Variants in COL4A2 observed in about 807,000 individuals in gnomAD.
COL4A2 encodes the protein collagen alpha-2(IV) chain.
Under a neutral mutation model 200.2 loss-of-function variants are expected in COL4A2, and 99 were observed. That is an observed-to-expected ratio of 0.49 (90% confidence interval 0.42 to 0.58). The LOEUF is 0.58. Ranked by LOEUF, COL4A2 falls within the 20% of genes least tolerant of loss-of-function variation. The pLI, the probability that COL4A2 is intolerant of heterozygous loss-of-function variation, is 0.00. For synonymous variants in COL4A2, 897 were observed against 900.6 expected, an observed-to-expected ratio of 1.00 and a Z score of 0.07; for missense variants, 1,950 against 2,314.1, an observed-to-expected ratio of 0.84 and a Z score of 3.23.
At chr13:110,486,624 C>T (rs1883126265) in intron 34 of COL4A2, among the ~76,000 whole-genome samples, 1 of 152,188 alleles carries the variant, frequency 6.6e-6, no homozygotes, top group African/African-American at 2.4e-5. Context: ...AAAAGACCAC[C>T]AAACAGGCTT....
intron 3 of COL4A2, among the ~76,000 whole-genome samples, chr13:110,343,182 A>G (rs1016929735): frequency 2.6e-5 from 4 of 152,134 alleles, no homozygotes; most frequent in Non-Finnish European, 4.4e-5. Context: ...TTAAAATCCC[A>G]ACAACCTAGT....
chr13:110,441,864 G>C (rs191189021), intron 16 of COL4A2, among the ~76,000 whole-genome samples: 5 of 151,584 alleles, frequency 3.3e-5, no homozygotes, highest in Non-Finnish European at 7.4e-5. Context: ...GTGGATCATA[G>C]AGGTCAGGAG....
chr13:110,367,516 A>T (rs1451043695), intron 4 of COL4A2, among the ~76,000 whole-genome samples: 1 of 152,252 alleles, frequency 6.6e-6, no homozygotes, highest in Non-Finnish European at 1.5e-5. Flanking sequence ...AATTACTTTT[A>T]AAAAAATGCA....
chr13:110,459,814 CAAG>C (rs1881951020), intron 22 of COL4A2: 1 of 152,184 alleles, frequency 6.6e-6, no homozygotes, highest in Non-Finnish European at 1.5e-5. Context: ...TGAAGTTTAG[CAAG>C]AACTGATTCA....
intron 3 of COL4A2, among the ~76,000 whole-genome samples, chr13:110,325,715 CT>C (rs2139356214): frequency 6.6e-6 from 1 of 152,268 alleles, no homozygotes; most frequent in Non-Finnish European, 1.5e-5. Context: ...GGAAGCTACA[CT>C]TTGCTTTGTG....
chr13:110,441,105 T>C (rs942886713), intron 16 of COL4A2, among the ~76,000 whole-genome samples: 1 of 152,232 alleles, frequency 6.6e-6, no homozygotes, highest in African/African-American at 2.4e-5. Context: ...TGGGCTAGTA[T>C]GTCCATCACT....
chr13:110,459,520 A>T (rs1881932899), intron 22 of COL4A2: 2 of 140,384 alleles, frequency 1.4e-5, no homozygotes, highest in South Asian at 5.0e-4. Flanking sequence ...TGAAATGTCC[A>T]CACAGGCAAC....
intron 4 of COL4A2, among the ~76,000 whole-genome samples, chr13:110,395,489 C>G (rs1365828748): frequency 6.6e-6 from 1 of 152,214 alleles, no homozygotes; most frequent in Non-Finnish European, 1.5e-5. Flanking sequence ...CTCCCTGCCC[C>G]ACTCCTCATG....
chr13:110,368,949 C>T (rs1402751205), intron 4 of COL4A2, among the ~76,000 whole-genome samples: 1 of 151,976 alleles, frequency 6.6e-6, no homozygotes, highest in Non-Finnish European at 1.5e-5. Flanking sequence ...TGGCTCGCAC[C>T]TGTAATCCCA....
At chr13:110,355,961 CA>C (rs1877245531) in intron 3 of COL4A2, among the ~76,000 whole-genome samples, 1 of 152,046 alleles carries the variant, frequency 6.6e-6, no homozygotes, top group Admixed American at 6.5e-5. Context: ...GCTTACCTGT[CA>C]GGGGAGAGGA....
chr13:110,504,817 A>G (rs1187451034), intron 45 of COL4A2, among the ~76,000 whole-genome samples: 1 of 152,074 alleles, frequency 6.6e-6, no homozygotes, highest in East Asian at 2.0e-4. Context: ...CATGTTGGCC[A>G]GGCTGGTCTC....
chr13:110,479,262 C>T (rs1353973395), intron 30 of COL4A2, among the ~76,000 whole-genome samples: 1 of 152,204 alleles, frequency 6.6e-6, no homozygotes, highest in African/African-American at 2.4e-5. Flanking sequence ...GGGAGAGAGA[C>T]ACACACATTA....
chr13:110,425,618 T>C (rs941260563), intron 6 of COL4A2, among the ~76,000 whole-genome samples: 2 of 152,196 alleles, frequency 1.3e-5, no homozygotes, highest in African/African-American at 4.8e-5. Context: ...CAGGGATCAA[T>C]GTGTTTATCG....
intron 4 of COL4A2, among the ~76,000 whole-genome samples, chr13:110,377,526 G>A (rs554410715): frequency 9.5e-4 from 145 of 152,334 alleles, no homozygotes; most frequent in African/African-American, 3.4e-3. Flanking sequence ...CCCCCACTGG[G>A]ATTTGAGCTC....
chr13:110,407,859 G>A (rs568341562), intron 4 of COL4A2, among the ~76,000 whole-genome samples: 3 of 152,324 alleles, frequency 2.0e-5, no homozygotes, highest in South Asian at 2.1e-4. Context: ...GCAATTCACC[G>A]AGTTAAGGAG....
chr13:110,460,468 A>G (rs1012011513), intron 22 of COL4A2, among the ~76,000 whole-genome samples: 2 of 152,332 alleles, frequency 1.3e-5, no homozygotes, highest in African/African-American at 2.4e-5. Flanking sequence ...AACTGCACAT[A>G]TACCAATGGC....
At chr13:110,403,380 C>A (rs929392371) in intron 4 of COL4A2, among the ~76,000 whole-genome samples, 1 of 152,222 alleles carries the variant, frequency 6.6e-6, no homozygotes, top group Admixed American at 6.5e-5. Flanking sequence ...TGCCAAATAT[C>A]CTATTTTATG....
At chr13:110,432,408 G>A in intron 11 of COL4A2, 48 bp downstream of exon 11, 3 of 1,553,668 alleles carry the variant, frequency 1.9e-6, no homozygotes, top group Non-Finnish European at 2.6e-6. Flanking sequence ...GTACTTAGGT[G>A]TTTGTGGGTT....
chr13:110,399,485 G>A (rs1157564636), intron 4 of COL4A2, among the ~76,000 whole-genome samples: 1 of 152,146 alleles, frequency 6.6e-6, no homozygotes, highest in Non-Finnish European at 1.5e-5. Flanking sequence ...AGTTTGGTTG[G>A]CCCCAGACCT....
Sources: gnomAD v4.1 joint callset for allele counts (sites outside exome capture counted in the v4.1 genomes callset) on GRCh38, gnomAD v4.1.1 for gene constraint, MANE v1.5 for transcripts, NCBI Gene and HGNC (gene_info 2026-07-23, HGNC 2026-07-21) for gene names.